BICD1: variants seen among roughly 807,000 people sequenced by gnomAD.
BICD1 encodes the protein BICD cargo adaptor 1.
A neutral mutation model predicts 92.5 loss-of-function variants in BICD1; 35 were observed. That is an observed-to-expected ratio of 0.38 (90% CI 0.29 to 0.50). The LOEUF (loss-of-function observed/expected upper bound fraction) is 0.50. Among genes scored for constraint, BICD1 ranks in the 20% least tolerant of loss-of-function variants. The pLI is 0.93. For missense variants in BICD1, 950 were observed against 1,189.8 expected (o/e 0.80, Z 2.97); for synonymous variants, 429 against 465.1 (o/e 0.92, Z 1.00).
Position 32,296,223 on chromosome 12 carries a change from A to G in BICD1, c.579+2077A>G, listed in dbSNP as rs185656416. On this transcript the variant is annotated intron_variant, in intron 3 of 9. Transcript: ENST00000652176. ...AATACATTTGTAAAGATGCTTCTCG[A>G]ATACTTTTTAAAATAAGAAGGGGTT... Among the ~76,000 whole-genome samples the G allele has an allele frequency of 1.5e-3, 230 of 150,914 alleles. 1 individual carries two copies. The highest frequency in any genetic ancestry group is 5.4e-3 in the African/African-American group (224 of 41,176).
intron 2 of BICD1, among the ~76,000 whole-genome samples, chr12:32,288,223 A>ATTTTTT (rs34913740): frequency 2.7e-5 from 3 of 109,508 alleles, no homozygotes; most frequent in African/African-American, 3.7e-5. Context: ...CCAAGTCCTA[A>ATTTTTT]TTTTTTTTTT....
intron 1 of BICD1, among the ~76,000 whole-genome samples, chr12:32,161,867 T>C (rs1193025127): frequency 1.3e-5 from 2 of 152,218 alleles, no homozygotes; most frequent in Non-Finnish European, 2.9e-5. Flanking sequence ...TTTCTAACTT[T>C]TCATGAATTT....
chr12:32,138,902 T>C (rs1438840871), intron 1 of BICD1, among the ~76,000 whole-genome samples: 1 of 152,216 alleles, frequency 6.6e-6, no homozygotes, highest in African/African-American at 2.4e-5. Flanking sequence ...CTATGGGCAT[T>C]GTAAGTTCTA....
intron 2 of BICD1, among the ~76,000 whole-genome samples, chr12:32,229,020 C>T (rs1200531859): frequency 6.6e-6 from 1 of 151,882 alleles, no homozygotes; most frequent in Non-Finnish European, 1.5e-5. Context: ...GAGGCTGAGG[C>T]GAGCGGATTA....
In BICD1 at chr12:32,324,367, A is replaced by C. The variant is rs893519547; in HGVS notation, c.1006-3094A>C. Among the ~76,000 whole-genome samples the C allele has an allele frequency of 4.3e-4, 65 of 151,628 alleles. 4 individuals are homozygous for C. The highest frequency in any genetic ancestry group is 4.3e-3 in the Admixed American group (65 of 15,206). ...AGACTCCATCTCAAAAAAAAAACAA[A>C]AAAAAAAACTTAGGACACTGAGCAA... On this transcript the variant is annotated intron_variant, in intron 4 of 9. Coordinates refer to ENST00000652176, the MANE Select transcript of BICD1 (RefSeq NM_001714.4).
chr12:32,303,223 T>C (rs1948112011), intron 3 of BICD1, among the ~76,000 whole-genome samples: 1 of 151,954 alleles, frequency 6.6e-6, no homozygotes, highest in Non-Finnish European at 1.5e-5. Flanking sequence ...ATTACAGGCC[T>C]GAGCCACCGT....
chr12:32,198,021 T>C (rs1325977402), intron 1 of BICD1, among the ~76,000 whole-genome samples: 4 of 151,676 alleles, frequency 2.6e-5, no homozygotes, highest in Non-Finnish European at 2.9e-5. Context: ...GCCTGACCAA[T>C]ATGGAGAAAC....
rs747943737 is a variant in BICD1, at chr12:32,117,711, T to TACACAC, written c.213+10187_213+10192dup. On this transcript the variant is annotated intron_variant, in intron 1 of 9. Transcript: ENST00000652176. ...ATATATATATATACACAAATATATA[T>TACACAC]ACACACACACACACACACACACACA... 6.1e-3 allele frequency among the ~76,000 whole-genome samples: 713 copies of TACACAC among 116,968 alleles called. 4 individuals are homozygous for TACACAC. The highest frequency in any genetic ancestry group is 0.021 in the African/African-American group (652 of 30,418). 76.7% of individuals were successfully genotyped at this position (116,968 alleles called of 152,430 possible). A position where few individuals can be genotyped will look rare whatever the true frequency, so the allele number is the denominator to read the frequency against.
At chr12:32,252,665 C>CTGGAAATCCCTGGGCCAGCT (rs1946599806) in intron 2 of BICD1, among the ~76,000 whole-genome samples, 1 of 152,100 alleles carries the variant, frequency 6.6e-6, no homozygotes, top group Non-Finnish European at 1.5e-5. Flanking sequence ...GCCTTATGTC[C>CTGGAAATCCCTGGGCCAGCT]TGGAAATCCC....
chr12:32,216,537 C>A, intron 2 of BICD1, 78 bp downstream of exon 2: 1 of 1,467,776 alleles, frequency 6.8e-7, no homozygotes, highest in South Asian at 1.2e-5. Context: ...AGAGGAATAA[C>A]ACTTTTGTTT....
rs568816235 is a variant in BICD1 at position 32,165,657 on chromosome 12, C to T, written c.214-50590C>T. 4.8e-5 allele frequency among the ~76,000 whole-genome samples: 7 copies of T among 145,068 alleles called. No homozygotes were observed. The East Asian group carries it at 1.4e-3, about 29-fold the overall frequency. On this transcript the variant is annotated intron_variant, in intron 1 of 9. Coordinates refer to ENST00000652176, the MANE Select transcript of BICD1 (RefSeq NM_001714.4). ...CTGAGATGCGCCACTGTACTACAGTCTGGTGACAGAGCCAGACTCTGTCTC... is the reference window on the plus strand; with the variant it reads ...CTGAGATGCGCCACTGTACTACAGTTTGGTGACAGAGCCAGACTCTGTCTC...
intron 9 of BICD1, among the ~76,000 whole-genome samples, chr12:32,377,119 C>T (rs982439745): frequency 3.9e-5 from 6 of 152,010 alleles, no homozygotes; most frequent in African/African-American, 1.2e-4. Flanking sequence ...CTAATGAATC[C>T]GAATCTGCCC....
intron 2 of BICD1, among the ~76,000 whole-genome samples, chr12:32,275,697 G>A (rs147957793): frequency 9.1e-4 from 137 of 150,826 alleles, no homozygotes; most frequent in African/African-American, 3.2e-3. Flanking sequence ...TCCCATCGCC[G>A]CTGACTCCCA....
chr12:32,197,278 G>A (rs979321035), intron 1 of BICD1, among the ~76,000 whole-genome samples: 1 of 151,972 alleles, frequency 6.6e-6, no homozygotes, highest in Non-Finnish European at 1.5e-5. Flanking sequence ...CAAAGTGCTG[G>A]GATTACAGGC....
At chr12:32,272,188 T>C (rs80100802) in intron 2 of BICD1, among the ~76,000 whole-genome samples, 1,633 of 152,322 alleles carry the variant, frequency 0.011, 19 homozygotes, top group African/African-American at 0.027. Flanking sequence ...ATGTTGCTCC[T>C]GGACAAAACT....
chr12:32,356,548 G>T (rs1015078610), intron 8 of BICD1, among the ~76,000 whole-genome samples: 1 of 151,934 alleles, frequency 6.6e-6, no homozygotes, highest in Non-Finnish European at 1.5e-5. Flanking sequence ...TGGGAGGATC[G>T]CCTGAACCCG....
chr12:32,324,931 T>C (rs570451776), intron 4 of BICD1, among the ~76,000 whole-genome samples: 1 of 152,274 alleles, frequency 6.6e-6, no homozygotes, highest in East Asian at 1.9e-4. Flanking sequence ...CTAAATTTCT[T>C]TGGGTGAACA....
intron 8 of BICD1, chr12:32,339,263 A>T: frequency 9.1e-7 from 1 of 1,101,192 alleles, no homozygotes; most frequent in South Asian, 3.7e-5. Context: ...ACGCACACAC[A>T]CTTGGATCCT....
chr12:32,180,253 C>T lies in BICD1; in HGVS notation c.214-35994C>T, dbSNP rs568769904. Reference sequence around the variant, plus strand: ...AATCCAGAGGATTTCCTGCCTGGACCTTGAAGTCACCTCCCCGCTACATAT... The same window carrying T: ...AATCCAGAGGATTTCCTGCCTGGACTTTGAAGTCACCTCCCCGCTACATAT... On this transcript the variant is annotated intron_variant, in intron 1 of 9. Coordinates refer to ENST00000652176, the MANE Select transcript of BICD1 (RefSeq NM_001714.4). Among the ~76,000 whole-genome samples, 17 of 151,984 alleles carry T rather than the reference C, an allele frequency of 1.1e-4. 2 individuals carry two copies. The highest frequency in any genetic ancestry group is 1.1e-3 in the Admixed American group (17 of 15,206).
Sources: allele counts gnomAD v4.1 joint callset (sites outside exome capture counted in the v4.1 genomes callset), GRCh38; gene constraint gnomAD v4.1.1; transcripts MANE v1.5; gene names NCBI Gene and HGNC (gene_info 2026-07-23, HGNC 2026-07-21).